RGS3: variants seen among roughly 807,000 people sequenced by gnomAD.
RGS3 encodes the protein regulator of G protein signaling 3.
In RGS3, 80 loss-of-function variants were observed where a neutral mutation model predicts 132.6. The observed-to-expected ratio is 0.60, with a 90% CI of 0.50 to 0.73. RGS3 has a LOEUF of 0.73. Ranked by LOEUF, RGS3 falls within the 30% of genes least tolerant of loss-of-function variation. The pLI is 0.00. For missense variants in RGS3, 1,382 were observed against 1,530.8 expected (o/e 0.90, Z 1.62); for synonymous variants, 598 against 620.6 (o/e 0.96, Z 0.54).
chr9:113,516,170 C>T (rs1326230367), intron 15 of RGS3, among the ~76,000 whole-genome samples: 1 of 152,186 alleles, frequency 6.6e-6, no homozygotes, highest in Non-Finnish European at 1.5e-5. Context: ...CCCTGGCATC[C>T]CAGTCTGAGC....
intron 19 of RGS3, among the ~76,000 whole-genome samples, chr9:113,568,239 A>G (rs377091140): frequency 2.6e-5 from 4 of 152,288 alleles, no homozygotes; most frequent in African/African-American, 9.6e-5. Context: ...TCCAGGTTTC[A>G]TCTTGGGGCT....
At chr9:113,514,947 T>G (rs1831579830) in intron 15 of RGS3, among the ~76,000 whole-genome samples, 1 of 152,146 alleles carries the variant, frequency 6.6e-6, no homozygotes, top group Non-Finnish European at 1.5e-5. Context: ...CCCCAGCTGC[T>G]TGTTGCCATG....
At chr9:113,563,839 G>A (rs1833888233) in intron 19 of RGS3, among the ~76,000 whole-genome samples, 1 of 152,194 alleles carries the variant, frequency 6.6e-6, no homozygotes, top group Non-Finnish European at 1.5e-5. Flanking sequence ...CAGGGGCAGG[G>A]ATACAGGCAG....
intron 18 of RGS3, among the ~76,000 whole-genome samples, chr9:113,533,941 G>C (rs1832575688): frequency 6.6e-6 from 1 of 152,244 alleles, no homozygotes; most frequent in Non-Finnish European, 1.5e-5. Context: ...GAAGCTCCAG[G>C]AGTGCCTCAG....
rs998409452 is a variant in RGS3, at chr9:113,501,264, C to T, written c.897+3184C>T. The stretch of plus-strand genomic sequence containing the variant: ...ATTGGAATCACAAAGTGGCCCATGG[C>T]GGAGAATGCAGCCAGAACAAAGGCG... On this transcript the variant is annotated intron_variant, in intron 10 of 24. Transcript: ENST00000350696. 6.1e-5 allele frequency: 28 copies of T among 461,368 alleles called. No individual in the cohort carries two copies. In the Admixed American group the frequency reaches 6.4e-4, roughly 10 times the overall value. The allele number at this position is 461,368 out of a possible 1,614,324, so 28.6% of individuals were successfully genotyped here. A position where few individuals can be genotyped will look rare whatever the true frequency, so the allele number is the denominator to read the frequency against.
At chr9:113,504,645 C>T (rs1313444077) in intron 10 of RGS3, among the ~76,000 whole-genome samples, 1 of 152,214 alleles carries the variant, frequency 6.6e-6, no homozygotes, top group Non-Finnish European at 1.5e-5. Context: ...GGCTGCATGC[C>T]TCTGTATGTC....
At chr9:113,458,692 TG>T (rs1353720177), upstream of RGS3, among the ~76,000 whole-genome samples, 1 of 152,228 alleles carries the variant, frequency 6.6e-6, no homozygotes, top group African/African-American at 2.4e-5. Context: ...GTGACAAAAC[TG>T]GGAGAATGTT....
intron 3 of RGS3, among the ~76,000 whole-genome samples, chr9:113,472,235 T>C (rs1829857428): frequency 6.6e-6 from 1 of 152,178 alleles, no homozygotes; most frequent in South Asian, 2.1e-4. Context: ...ATGTAGAGTT[T>C]CCATTTGACC....
chr9:113,481,171 A>T (rs1830147232), intron 4 of RGS3, among the ~76,000 whole-genome samples: 1 of 151,966 alleles, frequency 6.6e-6, no homozygotes, highest in Non-Finnish European at 1.5e-5. Flanking sequence ...TTGCCTTATT[A>T]TTTCCCCCTC....
intron 18 of RGS3, chr9:113,536,570 C>A (rs1290829805): frequency 3.0e-6 from 4 of 1,349,970 alleles, no homozygotes; most frequent in Non-Finnish European, 3.8e-6. Context: ...TCCCCTCCCC[C>A]AACCTGTGGG....
At chr9:113,542,659 T>G (rs2118670637) in intron 19 of RGS3, among the ~76,000 whole-genome samples, 1 of 152,302 alleles carries the variant, frequency 6.6e-6, no homozygotes, top group Admixed American at 6.5e-5. Flanking sequence ...GAGCCACCTT[T>G]TGGCCAGGCC....
At chr9:113,485,553 T>A in intron 6 of RGS3, 72 bp from the exon 5 acceptor site, 1 of 1,203,930 alleles carries the variant, frequency 8.3e-7, no homozygotes, top group Non-Finnish European at 1.2e-6. Flanking sequence ...GAATTATGAC[T>A]GACTCTATGA....
At chr9:113,505,148 G>T in intron 10 of RGS3, 1 of 439,612 alleles carries the variant, frequency 2.3e-6, no homozygotes, top group Non-Finnish European at 4.2e-6. Context: ...TGGGGCTGCT[G>T]GGGCTCAGGA....
At chr9:113,597,715 G>A (rs1835856644) in exon 25 of RGS3, 1 of 152,286 alleles carries the variant, frequency 6.6e-6, no homozygotes, top group Admixed American at 6.5e-5. Context: ...CAAATAAAAG[G>A]CCTGTGTTAT....
chr9:113,462,390 T>C (rs1829498020), intron 3 of RGS3, among the ~76,000 whole-genome samples: 1 of 152,176 alleles, frequency 6.6e-6, no homozygotes, highest in Admixed American at 6.5e-5. Context: ...ATTTATGTGA[T>C]TTATCACCAG....
At position 113,565,104 on chromosome 9, in the gene RGS3, C is replaced by T; in HGVS notation, c.2038-18346C>T. 8.6e-7 allele frequency: 1 copy of T among 1,166,294 alleles called. No homozygotes were observed. Among genetic ancestry groups the T allele is most frequent in the Non-Finnish European group, 1.1e-6 (1 of 930,438 alleles). 72.2% of individuals were successfully genotyped at this position (1,166,294 alleles called of 1,614,324 possible). ...AGGGATGGACGCCTCTCCCCCGGAG[C>T]AGCACTTTGGGGCCAGCTTGGGCCC... On this transcript the variant is annotated intron_variant, in intron 19 of 24. Transcript: ENST00000350696. The surrounding 1 kb of genome is among the most constrained non-coding windows in gnomAD (Gnocchi z 5.7).
chr9:113,554,240 T>TA (rs1376762203), intron 19 of RGS3, among the ~76,000 whole-genome samples: 1 of 152,260 alleles, frequency 6.6e-6, no homozygotes, highest in Non-Finnish European at 1.5e-5. Context: ...TCTTTGTTGG[T>TA]ACAAGAAGTG....
At chr9:113,589,548 T>A (rs1588298644) in intron 20 of RGS3, among the ~76,000 whole-genome samples, 1 of 151,956 alleles carries the variant, frequency 6.6e-6, no homozygotes, top group African/African-American at 2.4e-5. Flanking sequence ...TGGGTGGGAG[T>A]GGTCCCCAGG....
rs144579174 is a variant in RGS3, at chr9:113,519,248, C to T, written c.1758+1624C>T. Among the ~76,000 whole-genome samples the T allele has an allele frequency of 7.6e-4, 116 of 152,140 alleles. 1 individual carries two copies. Among genetic ancestry groups the T allele is most frequent in the African/African-American group, 2.5e-3 (103 of 41,506 alleles). ...CTCAGTGATGCTTTCCATGACCCCACACTGCTTCTGGCATGTCTGCATAAA... is the reference window on the plus strand; with the variant it reads ...CTCAGTGATGCTTTCCATGACCCCATACTGCTTCTGGCATGTCTGCATAAA... On this transcript the variant is annotated intron_variant, in intron 16 of 24. Coordinates refer to ENST00000350696, the Ensembl canonical transcript of RGS3.
Sources: gnomAD v4.1 joint callset for allele counts (sites outside exome capture counted in the v4.1 genomes callset) on GRCh38, gnomAD v4.1.1 for gene constraint, Gnocchi (gnomAD v3.1) non-coding constraint, MANE v1.5 for transcripts, NCBI Gene and HGNC (gene_info 2026-07-23, HGNC 2026-07-21) for gene names.